Variants in TMEM132D observed in about 807,000 individuals in gnomAD.
The protein encoded by TMEM132D is transmembrane protein 132D, also known as mature OL transmembrane protein.
TMEM132D carries 21 observed loss-of-function variants against 62.3 expected under a neutral mutation model. The ratio of observed to expected loss-of-function variants is 0.34; its 90% confidence interval spans 0.24 to 0.49. The LOEUF is 0.49. Among genes scored for constraint, TMEM132D ranks in the 20% least tolerant of loss-of-function variants. The pLI is 0.99. For missense variants in TMEM132D, 1,346 were observed against 1,402.8 expected (o/e 0.96, Z 0.65); for synonymous variants, 621 against 575.6 (o/e 1.08, Z -1.13).
At position 129,818,290 on chromosome 12, in the gene TMEM132D, G is replaced by A. The variant is rs981429257; in HGVS notation, c.79+84971C>T. 5.4e-5 allele frequency among the ~76,000 whole-genome samples: 8 copies of A among 148,722 alleles called. No individual in the cohort carries two copies. The Admixed American group carries it at 5.4e-4, about 10-fold the overall frequency. ...TGTGTATATGTGTGTGTGCGGTGTG[G>A]GGTGTGTGTGATGTGTGTGTGTCTA... On this transcript the variant is annotated intron_variant, in intron 1 of 8. Coordinates refer to ENST00000422113, the MANE Select transcript of TMEM132D (RefSeq NM_133448.3).
intron 5 of TMEM132D, among the ~76,000 whole-genome samples, chr12:129,141,646 T>C (rs1876743676): frequency 6.6e-6 from 1 of 152,076 alleles, no homozygotes; most frequent in Admixed American, 6.6e-5. Context: ...GATTAAAAAG[T>C]AGGCCTAATG....
rs538640832 is a variant in TMEM132D at position 129,332,801 on chromosome 12, A to G, written c.1299+4833T>C. 1.4e-4 allele frequency among the ~76,000 whole-genome samples: 22 copies of G among 152,304 alleles called. No homozygotes were observed. In the South Asian group the frequency reaches 3.9e-3, roughly 27 times the overall value. On this transcript the variant is annotated intron_variant, in intron 4 of 8. Transcript: ENST00000422113. ...TAGTAAGAGTACCTGCAATATGTCA[A>G]TGGAAAAGTTAGGATCGCTAATATA...
At chr12:129,463,235 G>T (rs1378767229) in intron 3 of TMEM132D, among the ~76,000 whole-genome samples, 3 of 152,046 alleles carry the variant, frequency 2.0e-5, no homozygotes, top group African/African-American at 4.8e-5. Context: ...ACAACATCTT[G>T]GAGCCTCATT....
At chr12:129,768,207 T>C (rs577384161) in intron 1 of TMEM132D, among the ~76,000 whole-genome samples, 33 of 152,206 alleles carry the variant, frequency 2.2e-4, no homozygotes, top group Non-Finnish European at 4.3e-4. Flanking sequence ...TTTGAGATTC[T>C]GTTTTAAATT....
intron 2 of TMEM132D, among the ~76,000 whole-genome samples, chr12:129,630,477 A>G (rs898547284): frequency 6.6e-6 from 1 of 152,106 alleles, no homozygotes; most frequent in Admixed American, 6.5e-5. Context: ...TTTCTAGAAC[A>G]TTTCTTGGAG....
At chr12:129,651,464 A>C (rs1879926803) in intron 2 of TMEM132D, among the ~76,000 whole-genome samples, 1 of 152,298 alleles carries the variant, frequency 6.6e-6, no homozygotes, top group South Asian at 2.1e-4. Flanking sequence ...CTGAACTAGT[A>C]ATAACCTTTG....
At chr12:129,463,969 T>C (rs1037836354) in intron 3 of TMEM132D, among the ~76,000 whole-genome samples, 5 of 150,172 alleles carry the variant, frequency 3.3e-5, no homozygotes, top group African/African-American at 1.2e-4. Flanking sequence ...GCATGATTTA[T>C]AGTCCTTTGG....
rs372119453 is a variant in TMEM132D, at chr12:129,360,563, C to T, written c.1116-22746G>A. ...CAATGGGATAGTGGGACAGGCTCCACATGAAACTTGTAGCCACACCCACCT... is the reference window on the plus strand; with the variant it reads ...CAATGGGATAGTGGGACAGGCTCCATATGAAACTTGTAGCCACACCCACCT... On this transcript the variant is annotated intron_variant, in intron 3 of 8. Transcript: ENST00000422113. Among the ~76,000 whole-genome samples, 48 of 152,260 alleles carry T rather than the reference C, an allele frequency of 3.2e-4. No individual in the cohort carries two copies. In the East Asian group the frequency reaches 7.2e-3, roughly 23 times the overall value.
chr12:129,141,528 G>T (rs149629182), intron 5 of TMEM132D, among the ~76,000 whole-genome samples: 40 of 152,302 alleles, frequency 2.6e-4, no homozygotes, highest in African/African-American at 5.1e-4. Context: ...GTCCAGGAAG[G>T]TTCCTTGGGG....
chr12:129,283,572 T>A (rs1881217149), intron 4 of TMEM132D, among the ~76,000 whole-genome samples: 1 of 152,044 alleles, frequency 6.6e-6, no homozygotes, highest in Non-Finnish European at 1.5e-5. Context: ...CTCTACTGAA[T>A]TTTTTTTCCC....
intron 2 of TMEM132D, among the ~76,000 whole-genome samples, chr12:129,592,486 T>C (rs1238905709): frequency 1.3e-5 from 2 of 152,228 alleles, no homozygotes; most frequent in Admixed American, 1.3e-4. Context: ...TCTAAGCATT[T>C]AGGAGACAGA....
At chr12:129,828,029 A>G (rs1397390297) in intron 1 of TMEM132D, among the ~76,000 whole-genome samples, 2 of 152,184 alleles carry the variant, frequency 1.3e-5, no homozygotes, top group African/African-American at 4.8e-5. Context: ...ATGAAAGCTT[A>G]TGCTCACCCA....
chr12:129,825,768 A>G lies in TMEM132D; in HGVS notation c.79+77493T>C, dbSNP rs971336718. Among the ~76,000 whole-genome samples the G allele has an allele frequency of 3.9e-5, 6 of 152,104 alleles. No individual in the cohort carries two copies. In the South Asian group the frequency reaches 1.0e-3, roughly 26 times the overall value. Reference sequence around the variant, plus strand: ...AACATTCCTTCCAGGCCCACACTTTAAAGCGAGGGGTATAACCAGGTGCAG... The same window carrying G: ...AACATTCCTTCCAGGCCCACACTTTGAAGCGAGGGGTATAACCAGGTGCAG... On this transcript the variant is annotated intron_variant, in intron 1 of 8. Coordinates refer to ENST00000422113, the MANE Select transcript of TMEM132D (RefSeq NM_133448.3).
At chr12:129,106,660 T>A (rs758333170) in intron 5 of TMEM132D, among the ~76,000 whole-genome samples, 5 of 152,146 alleles carry the variant, frequency 3.3e-5, no homozygotes, top group African/African-American at 4.8e-5. Flanking sequence ...TTCCTCCCCT[T>A]CTTGGGCAGA....
At chr12:129,828,309 A>ATCTACTTCATTCAGTC (rs1872715492) in intron 1 of TMEM132D, among the ~76,000 whole-genome samples, 1 of 152,144 alleles carries the variant, frequency 6.6e-6, no homozygotes, top group African/African-American at 2.4e-5. Flanking sequence ...TCCATTACAT[A>ATCTACTTCATTCAGTC]AATAGAATTA....
intron 5 of TMEM132D, among the ~76,000 whole-genome samples, chr12:129,198,267 A>G (rs1293855545): frequency 6.6e-6 from 1 of 152,230 alleles, no homozygotes; most frequent in Non-Finnish European, 1.5e-5. Context: ...GGTTACTCGA[A>G]AAACTAAAAT....
intron 3 of TMEM132D, among the ~76,000 whole-genome samples, chr12:129,454,296 C>T (rs1327018245): frequency 2.6e-5 from 4 of 152,190 alleles, no homozygotes; most frequent in African/African-American, 7.2e-5. Context: ...GCACTCCTCT[C>T]AGTATCAAAG....
intron 1 of TMEM132D, among the ~76,000 whole-genome samples, chr12:129,809,034 G>A (rs543926448): frequency 6.6e-6 from 1 of 152,312 alleles, no homozygotes; most frequent in East Asian, 1.9e-4. Context: ...GTGGCCGGGC[G>A]CAGTGGCTCA....
intron 3 of TMEM132D, among the ~76,000 whole-genome samples, chr12:129,523,535 C>T (rs757033894): frequency 5.9e-5 from 9 of 152,204 alleles, no homozygotes; most frequent in South Asian, 2.1e-4. Context: ...CAAAAAGCCA[C>T]GGCAGCTCCG....
Sources: gnomAD v4.1 joint callset for allele counts (sites outside exome capture counted in the v4.1 genomes callset) on GRCh38, gnomAD v4.1.1 for gene constraint, MANE v1.5 for transcripts, NCBI Gene and HGNC (gene_info 2026-07-23, HGNC 2026-07-21) for gene names.